Variants in LRRC4C observed in about 807,000 individuals in gnomAD.
LRRC4C encodes the protein leucine rich repeat containing 4C.
A neutral mutation model predicts 33.6 loss-of-function variants in LRRC4C; 5 were observed. That is an observed-to-expected ratio of 0.15 (90% CI 0.08 to 0.31). LRRC4C has a LOEUF of 0.31. LRRC4C is among the 10% of genes least tolerant of loss of function. The pLI is 1.00. For synonymous variants in LRRC4C, 329 were observed against 302.0 expected (o/e 1.09, Z -0.93); for missense variants, 560 against 796.7 (o/e 0.70, Z 3.58).
Position 41,246,332 on chromosome 11 carries a change from C to T in LRRC4C, c.-496+213099G>A, listed in dbSNP as rs150702680. 1.6e-4 allele frequency among the ~76,000 whole-genome samples: 25 copies of T among 152,306 alleles called. No individual in the cohort carries two copies. The East Asian group carries it at 1.7e-3, about 11-fold the overall frequency. ...TACACACCTGGCTGGGTCATGACAG[C>T]GCCTGGGCTTGGCCACAACTTTGCT... On this transcript the variant is annotated intron_variant, in intron 1 of 6. Transcript: ENST00000528697.
chr11:40,886,436 C>CACACACAT (rs61036208), intron 2 of LRRC4C, among the ~76,000 whole-genome samples: 5 of 151,168 alleles, frequency 3.3e-5, no homozygotes, highest in Non-Finnish European at 7.4e-5. Flanking sequence ...CACACACACA[C>CACACACAT]GCACACACTC....
intron 3 of LRRC4C, among the ~76,000 whole-genome samples, chr11:40,519,902 G>A (rs955944075): frequency 6.6e-6 from 1 of 152,198 alleles, no homozygotes; most frequent in South Asian, 2.1e-4. Context: ...GGATGAAGGT[G>A]ACTACACTAA....
intron 1 of LRRC4C, among the ~76,000 whole-genome samples, chr11:40,938,075 A>C (rs1261915315): frequency 3.3e-5 from 5 of 152,174 alleles, no homozygotes; most frequent in African/African-American, 9.6e-5. Flanking sequence ...TATCAATCTA[A>C]TTGGAAGCAC....
intron 2 of LRRC4C, among the ~76,000 whole-genome samples, chr11:40,924,614 T>G (rs191287737): frequency 6.6e-6 from 1 of 152,060 alleles, no homozygotes; most frequent in Non-Finnish European, 1.5e-5. Flanking sequence ...TAATTTGCCA[T>G]GTACCTCAAA....
At chr11:40,127,488 C>A (rs530683412) in intron 6 of LRRC4C, among the ~76,000 whole-genome samples, 1 of 152,062 alleles carries the variant, frequency 6.6e-6, no homozygotes, top group East Asian at 1.9e-4. Context: ...TTGAGGGGCA[C>A]TGCAAGCCTA....
intron 2 of LRRC4C, among the ~76,000 whole-genome samples, chr11:40,671,883 T>G (rs1051394031): frequency 6.6e-6 from 1 of 152,026 alleles, no homozygotes; most frequent in African/African-American, 2.4e-5. Flanking sequence ...AGAATGTACA[T>G]TTTTCAAAAA....
At chr11:41,457,948 T>TTTTG (rs199900064) in intron 1 of LRRC4C, among the ~76,000 whole-genome samples, 10 of 152,092 alleles carry the variant, frequency 6.6e-5, no homozygotes, top group African/African-American at 2.4e-4. Context: ...TCTTTAAGTT[T>TTTTG]TTTGTTTGTT....
At chr11:41,190,014 T>C (rs1413400836) in intron 1 of LRRC4C, among the ~76,000 whole-genome samples, 1 of 152,210 alleles carries the variant, frequency 6.6e-6, no homozygotes, top group Non-Finnish European at 1.5e-5. Flanking sequence ...TGTTCTATAA[T>C]CAGATTGCAG....
At chr11:40,358,143 A>G (rs1377806670) in intron 3 of LRRC4C, among the ~76,000 whole-genome samples, 2 of 152,040 alleles carry the variant, frequency 1.3e-5, no homozygotes, top group African/African-American at 4.8e-5. Context: ...AGATTGTGCC[A>G]CTGCACTCCA....
chr11:40,909,339 A>C (rs899720319), intron 2 of LRRC4C, among the ~76,000 whole-genome samples: 12 of 152,162 alleles, frequency 7.9e-5, no homozygotes, highest in African/African-American at 2.9e-4. Context: ...ATTTCAATGG[A>C]CAATATTTGA....
chr11:40,127,174 G>C (rs924233006), intron 6 of LRRC4C, among the ~76,000 whole-genome samples: 1 of 152,054 alleles, frequency 6.6e-6, no homozygotes, highest in Non-Finnish European at 1.5e-5. Flanking sequence ...CTACTCCGGA[G>C]GCTGAGGCAG....
intron 3 of LRRC4C, among the ~76,000 whole-genome samples, chr11:40,485,743 A>C (rs1337444736): frequency 6.6e-6 from 1 of 152,244 alleles, no homozygotes; most frequent in East Asian, 1.9e-4. Flanking sequence ...AAGACATGGA[A>C]TCAATATAAA....
rs777746712 is a variant in LRRC4C at position 40,393,147 on chromosome 11, G to A, written c.-269-73426C>T. Among the ~76,000 whole-genome samples, 28 of 152,230 alleles carry A rather than the reference G, an allele frequency of 1.8e-4. 1 individual carries two copies. The highest frequency in any genetic ancestry group is 4.0e-4 in the Non-Finnish European group (27 of 68,008). ...ACGTGTAATCCAGTGTAAAGACTCT[G>A]CAGTCCTCAGAGTTGCTGTGCATAA... On this transcript the variant is annotated intron_variant, in intron 3 of 6. Transcript: ENST00000528697.
intron 1 of LRRC4C, among the ~76,000 whole-genome samples, chr11:41,115,806 A>G (rs1282438752): frequency 1.3e-5 from 2 of 152,074 alleles, no homozygotes; most frequent in African/African-American, 2.4e-5. Context: ...AACCAGAGCT[A>G]TGTTCCTGAA....
chr11:40,897,536 T>A (rs1955999915), intron 2 of LRRC4C, among the ~76,000 whole-genome samples: 1 of 152,208 alleles, frequency 6.6e-6, no homozygotes, highest in Non-Finnish European at 1.5e-5. Context: ...ATTTAAAATG[T>A]ATAGGAAGTA....
At chr11:40,244,711 T>G (rs1361447367) in intron 4 of LRRC4C, among the ~76,000 whole-genome samples, 1 of 152,074 alleles carries the variant, frequency 6.6e-6, no homozygotes, top group Non-Finnish European at 1.5e-5. Flanking sequence ...GAGTTGATTT[T>G]CAGCAGTGGG....
intron 3 of LRRC4C, among the ~76,000 whole-genome samples, chr11:40,565,198 C>G (rs1281031846): frequency 2.0e-5 from 3 of 152,144 alleles, no homozygotes; most frequent in African/African-American, 7.2e-5. Flanking sequence ...CCCCAGCAAC[C>G]GTGGAGAAAT....
At chr11:41,237,650 G>T (rs1948079609) in intron 1 of LRRC4C, among the ~76,000 whole-genome samples, 1 of 152,098 alleles carries the variant, frequency 6.6e-6, no homozygotes, top group Admixed American at 6.5e-5. Context: ...AGAAACAAAA[G>T]CACCATCAAT....
chr11:40,190,662 G>T (rs1173476520), intron 5 of LRRC4C, among the ~76,000 whole-genome samples: 1 of 152,132 alleles, frequency 6.6e-6, no homozygotes. Flanking sequence ...AAGAAATGGG[G>T]CTGGGGGGGA....
Sources: gnomAD v4.1 joint callset for allele counts (sites outside exome capture counted in the v4.1 genomes callset) on GRCh38, gnomAD v4.1.1 for gene constraint, MANE v1.5 for transcripts, NCBI Gene and HGNC (gene_info 2026-07-23, HGNC 2026-07-21) for gene names.